Variants in FAXC observed in about 807,000 individuals in gnomAD.
The protein encoded by FAXC is failed axon connections homolog, metaxin like GST domain containing.
FAXC carries 10 observed loss-of-function variants against 41.9 expected under a neutral mutation model. That is an observed-to-expected ratio of 0.24 (90% CI 0.15 to 0.41). FAXC has a LOEUF of 0.41. Ranked by LOEUF, FAXC falls within the 10% of genes least tolerant of loss-of-function variation. FAXC has a pLI of 1.00. For synonymous variants in FAXC, 183 were observed against 183.8 expected (o/e 1.00, Z 0.03); for missense variants, 399 against 510.9 (o/e 0.78, Z 2.11).
intron 3 of FAXC, among the ~76,000 whole-genome samples, chr6:99,331,512 A>G (rs1773022227): frequency 6.6e-6 from 1 of 152,232 alleles, no homozygotes; most frequent in Non-Finnish European, 1.5e-5. Flanking sequence ...GTACGCACAC[A>G]CAGAACAAAA....
At chr6:99,335,693 T>C (rs577826803) in intron 2 of FAXC, among the ~76,000 whole-genome samples, 17 of 152,302 alleles carry the variant, frequency 1.1e-4, no homozygotes, top group East Asian at 7.7e-4. Context: ...CCATCTGTGA[T>C]TGAGCACCTT....
Position 99,274,570 on chromosome 6 carries a change from C to T in FAXC, c.*6594G>A, listed in dbSNP as rs1033458183. On this transcript the variant is annotated 3_prime_UTR_variant, in exon 6 of 6. Coordinates refer to ENST00000389677, the MANE Select transcript of FAXC (RefSeq NM_032511.4). ...AACATTTGAGTTGTCAGACATTTGGCATGATGTAGATCACTGGGAAAAAAA... is the reference window on the plus strand; with the variant it reads ...AACATTTGAGTTGTCAGACATTTGGTATGATGTAGATCACTGGGAAAAAAA... 3 of 152,190 alleles carry T rather than the reference C, an allele frequency of 2.0e-5. No homozygotes were observed. Among genetic ancestry groups the T allele is most frequent in the Non-Finnish European group, 2.9e-5 (2 of 68,038 alleles). The allele number at this position is 152,190 out of a possible 1,614,324, so 9.4% of individuals were successfully genotyped here.
chr6:99,293,560 GAGA>G (rs746403923), intron 4 of FAXC, among the ~76,000 whole-genome samples: 109 of 152,212 alleles, frequency 7.2e-4, no homozygotes, highest in Non-Finnish European at 1.3e-3. Flanking sequence ...ACTATAAAAT[GAGA>G]AGAATAACTG....
intron 3 of FAXC, among the ~76,000 whole-genome samples, chr6:99,324,446 A>T (rs1772718559): frequency 2.0e-5 from 3 of 152,096 alleles, no homozygotes. Context: ...TATGTAAATG[A>T]TTTGCTCTCC....
At chr6:99,310,952 G>C (rs1358491927) in intron 4 of FAXC, among the ~76,000 whole-genome samples, 2 of 152,184 alleles carry the variant, frequency 1.3e-5, no homozygotes, top group African/African-American at 4.8e-5. Flanking sequence ...ATTAAACAGA[G>C]TAGGAAGAGC....
intron 4 of FAXC, among the ~76,000 whole-genome samples, chr6:99,311,367 G>A (rs1052739125): frequency 6.6e-6 from 1 of 152,128 alleles, no homozygotes; most frequent in African/African-American, 2.4e-5. Context: ...ACGAGGTCAG[G>A]AGTTCGAGAC....
intron 2 of FAXC, among the ~76,000 whole-genome samples, chr6:99,338,870 A>G (rs1457864665): frequency 3.3e-5 from 5 of 152,168 alleles, no homozygotes; most frequent in Non-Finnish European, 7.3e-5. Context: ...CATGCATTCC[A>G]GTTACCAGTT....
rs1361292710 is a variant in FAXC, at chr6:99,281,229, C to G, written c.1165G>C (p.Gly389Arg). ...FSRTPDTDFT[G>R]HSLFDSDVDM... ...ACATCCGAATCAAAGAGTGAGTGTC[C>G]AGTAAAATCTGTGTCTGGGGTTCTG... Residue 389 changes from glycine to arginine, a missense_variant, in exon 6 of 6, where the codon GGA becomes CGA. Coordinates refer to ENST00000389677, the MANE Select transcript of FAXC (RefSeq NM_032511.4). The G allele has an allele frequency of 6.2e-7, 1 of 1,608,542 alleles. No individual in the cohort carries two copies. The highest frequency in any genetic ancestry group is 8.5e-7 in the Non-Finnish European group (1 of 1,174,920).
chr6:99,283,323 C>T (rs916541035), intron 5 of FAXC, among the ~76,000 whole-genome samples: 8 of 152,136 alleles, frequency 5.3e-5, no homozygotes, highest in African/African-American at 1.7e-4. Context: ...TTTCTATTTA[C>T]CTATTGCCAT....
intron 1 of FAXC, among the ~76,000 whole-genome samples, chr6:99,346,840 C>T (rs1773614113): frequency 6.6e-6 from 1 of 152,202 alleles, no homozygotes; most frequent in Admixed American, 6.5e-5. Flanking sequence ...ATGAAATGAA[C>T]AAACAACAGT....
At chr6:99,315,146 T>A (rs1445858137) in intron 4 of FAXC, among the ~76,000 whole-genome samples, 1 of 137,990 alleles carries the variant, frequency 7.2e-6, no homozygotes, top group Non-Finnish European at 1.5e-5. Context: ...GGTAAGAGAA[T>A]CACTTGAACT....
Position 99,344,129 on chromosome 6 carries a change from C to T in FAXC, c.267-1096G>A, listed in dbSNP as rs987770073. Reference sequence around the variant, plus strand: ...TTCACCTGAAGAGTGAGGACAGTACCAATTCTGTATGGTTTATCATGAGGA... The same window carrying T: ...TTCACCTGAAGAGTGAGGACAGTACTAATTCTGTATGGTTTATCATGAGGA... On this transcript the variant is annotated intron_variant, in intron 1 of 5. Transcript: ENST00000389677. Among the ~76,000 whole-genome samples the T allele has an allele frequency of 7.2e-5, 11 of 152,218 alleles. No individual in the cohort carries two copies. The East Asian group carries it at 1.5e-3, about 21-fold the overall frequency.
chr6:99,281,283 C>T lies in FAXC; in HGVS notation c.1111G>A (p.Glu371Lys), dbSNP rs765640302. 1.2e-6 allele frequency: 2 copies of T among 1,614,202 alleles called. No homozygotes were observed. Among genetic ancestry groups the T allele is most frequent in the Admixed American group, 1.7e-5 (1 of 60,018 alleles). ...AAACTGTTTTCTGCTCCCTCATCTT[C>T]AAAGGTCTCTGTCCTTGAGTAAAAG... ...FSFYSRTETF[E>K]DEGAENSFSR... Residue 371 changes from glutamate to lysine, a missense_variant, in exon 6 of 6, where the codon GAA (glutamate) becomes AAA (lysine). Transcript: ENST00000389677.
At chr6:99,337,563 T>C (rs978921803) in intron 2 of FAXC, among the ~76,000 whole-genome samples, 3 of 152,182 alleles carry the variant, frequency 2.0e-5, no homozygotes, top group Non-Finnish European at 4.4e-5. Context: ...TTGTACTGTT[T>C]GGAATTTTTC....
intron 1 of FAXC, among the ~76,000 whole-genome samples, chr6:99,346,657 C>T (rs1380335083): frequency 1.3e-5 from 2 of 152,026 alleles, no homozygotes; most frequent in Admixed American, 1.3e-4. Flanking sequence ...GCGTCAGCCT[C>T]CCAAAGTGCT....
Position 99,309,949 on chromosome 6 carries a change from T to C in FAXC, c.823+13495A>G, listed in dbSNP as rs1399956269. 4.1e-6 allele frequency: 4 copies of C among 978,434 alleles called. No homozygotes were observed. In the African/African-American group the frequency reaches 7.0e-5, roughly 17 times the overall value. The allele number at this position is 978,434 out of a possible 1,614,324, so 60.6% of individuals were successfully genotyped here. ...CAACGTAAACACACAGAAGTTCTAC[T>C]GGAACAGAAGAAAAGCACTGTCATT... On this transcript the variant is annotated intron_variant, in intron 4 of 5. Coordinates refer to ENST00000389677, the MANE Select transcript of FAXC (RefSeq NM_032511.4).
intron 4 of FAXC, among the ~76,000 whole-genome samples, chr6:99,317,976 G>T (rs1173731605): frequency 1.6e-5 from 1 of 63,598 alleles, no homozygotes; most frequent in African/African-American, 4.2e-5. Context: ...TTTAAAAATA[G>T]GGCTGGGCGC....
rs150866053 is a variant in FAXC at position 99,278,887 on chromosome 6, T to G, written c.*2277A>C. 2 of 152,336 alleles carry G rather than the reference T, an allele frequency of 1.3e-5. No individual in the cohort carries two copies. Among genetic ancestry groups the G allele is most frequent in the South Asian group, 4.1e-4 (2 of 4,822 alleles). 9.4% of individuals were successfully genotyped at this position (152,336 alleles called of 1,614,324 possible). ...GTAATATAAAATTAAAAACATATAT[T>G]AATCTACATTCTCATAACTTAATCA... On this transcript the variant is annotated 3_prime_UTR_variant, in exon 6 of 6. Transcript: ENST00000389677.
intron 4 of FAXC, among the ~76,000 whole-genome samples, chr6:99,306,406 A>C (rs931033107): frequency 5.9e-5 from 9 of 152,080 alleles, no homozygotes; most frequent in Admixed American, 5.9e-4. Context: ...TCATGGAGAG[A>C]GGTCAGAGGG....
Sources: gnomAD v4.1 joint callset for allele counts (sites outside exome capture counted in the v4.1 genomes callset) on GRCh38, gnomAD v4.1.1 for gene constraint, MANE v1.5 for transcripts, NCBI Gene and HGNC (gene_info 2026-07-23, HGNC 2026-07-21) for gene names.